Variants in EPHB1 observed in about 807,000 individuals in gnomAD.
EPHB1 encodes ephrin type-B receptor 1.
A neutral mutation model predicts 94.4 loss-of-function variants in EPHB1; 30 were observed. The observed-to-expected ratio is 0.32, with a 90% CI of 0.24 to 0.43. The LOEUF is 0.43. Among genes scored for constraint, EPHB1 ranks in the 20% least tolerant of loss-of-function variants. The probability of loss-of-function intolerance (pLI) is 1.00; values close to 1 mark genes in which losing one functional copy is unlikely to be tolerated. For synonymous variants in EPHB1, 522 were observed against 489.1 expected, an observed-to-expected ratio of 1.07 and a Z score of -0.89; for missense variants, 1,055 against 1,308.3, an observed-to-expected ratio of 0.81 and a Z score of 2.99.
chr3:134,944,261 T>C (rs981694644), intron 2 of EPHB1, among the ~76,000 whole-genome samples: 3 of 152,202 alleles, frequency 2.0e-5, no homozygotes, highest in African/African-American at 7.2e-5. Flanking sequence ...AGCATAATGT[T>C]TTAGAGATTC....
At chr3:135,015,786 A>G (rs1043968332) in intron 3 of EPHB1, among the ~76,000 whole-genome samples, 10 of 152,200 alleles carry the variant, frequency 6.6e-5, no homozygotes, top group African/African-American at 1.2e-4. Context: ...CTTTAGCTGG[A>G]TAGTCTGGGA....
intron 5 of EPHB1, among the ~76,000 whole-genome samples, chr3:135,148,983 C>A (rs796573535): frequency 6.6e-6 from 1 of 152,222 alleles, no homozygotes; most frequent in South Asian, 2.1e-4. Flanking sequence ...TCTGATGACA[C>A]TCTTCTTTGC....
At chr3:135,181,027 T>C (rs1009133168) in intron 10 of EPHB1, among the ~76,000 whole-genome samples, 8 of 152,206 alleles carry the variant, frequency 5.3e-5, no homozygotes, top group Admixed American at 5.2e-4. Flanking sequence ...ATATGTTTAG[T>C]CAAAGTCTTA....
intron 5 of EPHB1, among the ~76,000 whole-genome samples, chr3:135,137,169 A>G (rs1303586020): frequency 1.3e-5 from 2 of 152,204 alleles, no homozygotes; most frequent in Admixed American, 1.3e-4. Context: ...CATCTAAGCC[A>G]GAGAACAAAC....
intron 1 of EPHB1, among the ~76,000 whole-genome samples, chr3:134,827,270 GCTT>G (rs1488837834): frequency 2.2e-4 from 34 of 152,308 alleles, no homozygotes; most frequent in Admixed American, 1.6e-3. Flanking sequence ...TTAGTCTAGT[GCTT>G]CTTCTTCTCT....
At chr3:135,080,106 G>C (rs566744835) in intron 3 of EPHB1, among the ~76,000 whole-genome samples, 1 of 152,290 alleles carries the variant, frequency 6.6e-6, no homozygotes, top group African/African-American at 2.4e-5. Flanking sequence ...CTGTAGCAAC[G>C]CTGCCTCCCT....
chr3:135,137,047 T>G (rs1940644880), intron 5 of EPHB1, among the ~76,000 whole-genome samples: 1 of 152,136 alleles, frequency 6.6e-6, no homozygotes, highest in Non-Finnish European at 1.5e-5. Flanking sequence ...ATGACAAACT[T>G]TACTTCTCTC....
At chr3:134,803,425 G>T (rs981946504) in intron 1 of EPHB1, among the ~76,000 whole-genome samples, 1 of 152,136 alleles carries the variant, frequency 6.6e-6, no homozygotes, top group Non-Finnish European at 1.5e-5. Context: ...ACTGATTACG[G>T]GGGCCATGTA....
chr3:135,215,244 A>C (rs967914900), intron 12 of EPHB1, among the ~76,000 whole-genome samples: 3 of 151,244 alleles, frequency 2.0e-5, no homozygotes, highest in Non-Finnish European at 4.4e-5. Context: ...GCTCACCGCA[A>C]CCTCCACCTC....
chr3:134,921,964 G>C (rs906455319), intron 1 of EPHB1, among the ~76,000 whole-genome samples: 3 of 152,112 alleles, frequency 2.0e-5, no homozygotes, highest in Admixed American at 2.0e-4. Context: ...ATGGGACTTG[G>C]GACCTGGTCT....
At chr3:135,156,940 C>T (rs1420983898) in intron 6 of EPHB1, among the ~76,000 whole-genome samples, 2 of 152,198 alleles carry the variant, frequency 1.3e-5, no homozygotes, top group South Asian at 2.1e-4. Context: ...CACATATAAG[C>T]TTGTAGCTCT....
intron 12 of EPHB1, among the ~76,000 whole-genome samples, chr3:135,224,236 C>T (rs1943341993): frequency 6.6e-6 from 1 of 152,174 alleles, no homozygotes; most frequent in African/African-American, 2.4e-5. Context: ...AATGTGTCTC[C>T]ATTGTTAAGC....
intron 10 of EPHB1, among the ~76,000 whole-genome samples, chr3:135,191,652 A>G (rs924259205): frequency 1.1e-3 from 167 of 145,608 alleles, no homozygotes; most frequent in African/African-American, 4.0e-3. Flanking sequence ...TTTTTTTTTT[A>G]GGCAGCTATG....
chr3:134,874,275 C>T (rs559324935), intron 1 of EPHB1, among the ~76,000 whole-genome samples: 12 of 152,094 alleles, frequency 7.9e-5, no homozygotes, highest in Admixed American at 3.9e-4. Flanking sequence ...AACAGAAAGC[C>T]GAACACCGCA....
At chr3:134,966,027 A>G (rs1459484740) in intron 3 of EPHB1, among the ~76,000 whole-genome samples, 1 of 152,138 alleles carries the variant, frequency 6.6e-6, no homozygotes, top group African/African-American at 2.4e-5. Flanking sequence ...GGCCACAAAG[A>G]GCTCTGTAGA....
At chr3:135,229,703 G>T (rs1943487997) in intron 12 of EPHB1, among the ~76,000 whole-genome samples, 1 of 152,152 alleles carries the variant, frequency 6.6e-6, no homozygotes, top group African/African-American at 2.4e-5. Flanking sequence ...GTCTCCATCT[G>T]AGAGCCCCAA....
rs529579960 is a variant in EPHB1, at chr3:135,166,588, G to A, written c.1695-354G>A. 2.0e-5 allele frequency among the ~76,000 whole-genome samples: 3 copies of A among 152,318 alleles called. No homozygotes were observed. The South Asian group carries it at 6.2e-4, about 32-fold the overall frequency. ...CAGTGGTTAGCCCAGATTCTGTCAC[G>A]CAAAGCCCTGTAGTTGGCTCCCTCC... On this transcript the variant is annotated intron_variant, in intron 8 of 15. Coordinates refer to ENST00000398015, the MANE Select transcript of EPHB1 (RefSeq NM_004441.5).
intron 1 of EPHB1, among the ~76,000 whole-genome samples, chr3:134,874,502 C>G (rs779784334): frequency 1.3e-5 from 2 of 152,098 alleles, no homozygotes; most frequent in East Asian, 3.9e-4. Context: ...TAAAGGAAAA[C>G]AAATTTTGGG....
At chr3:135,141,671 G>C (rs1334264427) in intron 5 of EPHB1, among the ~76,000 whole-genome samples, 1 of 152,178 alleles carries the variant, frequency 6.6e-6, no homozygotes, top group East Asian at 1.9e-4. Flanking sequence ...CTAGGATAGA[G>C]GATTGGGAGG....
Sources: allele counts gnomAD v4.1 joint callset (sites outside exome capture counted in the v4.1 genomes callset), GRCh38; gene constraint gnomAD v4.1.1; transcripts MANE v1.5; gene names NCBI Gene and HGNC (gene_info 2026-07-23, HGNC 2026-07-21).